Variants in TCF12 observed in about 807,000 individuals in gnomAD.
TCF12 encodes transcription factor 12, also known as DNA-binding protein HTF4.
TCF12 carries 45 observed loss-of-function variants against 86.0 expected under a neutral mutation model. The observed-to-expected ratio is 0.52, with a 90% CI of 0.41 to 0.67. The LOEUF is 0.67. TCF12 is among the 30% of genes least tolerant of loss of function. TCF12 has a pLI of 0.00. For synonymous variants in TCF12, 330 were observed against 299.6 expected, an observed-to-expected ratio of 1.10 and a Z score of -1.05; for missense variants, 881 against 859.9, an observed-to-expected ratio of 1.02 and a Z score of -0.31.
At chr15:57,250,376 A>T (rs1434185086) in intron 13 of TCF12, among the ~76,000 whole-genome samples, 1 of 152,226 alleles carries the variant, frequency 6.6e-6, no homozygotes, top group Admixed American at 6.5e-5. Context: ...ATCACTGTTC[A>T]TAATAGCCGA....
chr15:57,161,494 C>G lies in TCF12; in HGVS notation c.326-4908C>G, dbSNP rs533697945. 2.0e-5 allele frequency among the ~76,000 whole-genome samples: 3 copies of G among 152,296 alleles called. No homozygotes were observed. The East Asian group carries it at 5.8e-4, about 29-fold the overall frequency. ...AATGTAAACCATGTAAGTTTAGCTA[C>G]TTAAAATACCTTTGCACACAAGTTA... On this transcript the variant is annotated intron_variant, in intron 5 of 20. Transcript: ENST00000333725.
In TCF12 at chr15:56,988,355, T is replaced by A. The variant is rs550021106; in HGVS notation, c.148+67257T>A. On this transcript the variant is annotated intron_variant, in intron 3 of 20. Coordinates refer to ENST00000333725, the MANE Select transcript of TCF12 (RefSeq NM_207037.2). ...GCTACAAACCTGTACAGCATGTTAC[T>A]CATCTTAGTATACAGAATACTGCAG... Among the ~76,000 whole-genome samples, 5 of 152,272 alleles carry A rather than the reference T, an allele frequency of 3.3e-5. No individual in the cohort carries two copies. The South Asian group carries it at 1.0e-3, about 32-fold the overall frequency.
At chr15:56,986,254 G>A (rs1218590378) in intron 3 of TCF12, among the ~76,000 whole-genome samples, 1 of 152,066 alleles carries the variant, frequency 6.6e-6, no homozygotes, top group East Asian at 1.9e-4. Context: ...TTATATTGCT[G>A]CTTACGTTTC....
chr15:57,078,519 G>A (rs2070340359), intron 4 of TCF12, among the ~76,000 whole-genome samples: 1 of 152,058 alleles, frequency 6.6e-6, no homozygotes, highest in Non-Finnish European at 1.5e-5. Context: ...GAAGGCAAAG[G>A]CTTTTATTTA....
intron 3 of TCF12, among the ~76,000 whole-genome samples, chr15:57,028,053 T>A (rs1157344760): frequency 6.6e-6 from 1 of 152,102 alleles, no homozygotes; most frequent in African/African-American, 2.4e-5. Context: ...AACCTCTGTC[T>A]CCTGGGTTCA....
intron 3 of TCF12, among the ~76,000 whole-genome samples, chr15:57,032,135 C>T (rs900114814): frequency 2.6e-5 from 4 of 152,056 alleles, no homozygotes; most frequent in African/African-American, 4.8e-5. Flanking sequence ...CTCGTGAAGT[C>T]GTATACAGAC....
chr15:57,203,076 A>G (rs1253610120), intron 8 of TCF12, among the ~76,000 whole-genome samples: 1 of 152,254 alleles, frequency 6.6e-6, no homozygotes, highest in Non-Finnish European at 1.5e-5. Flanking sequence ...CTGTGTATAT[A>G]ATGTATGTGC....
At chr15:57,205,882 G>C (rs1385860077) in intron 8 of TCF12, among the ~76,000 whole-genome samples, 1 of 152,212 alleles carries the variant, frequency 6.6e-6, no homozygotes, top group Non-Finnish European at 1.5e-5. Flanking sequence ...AAAGTAACCA[G>C]TGAGTGAGTC....
At chr15:57,206,950 GA>G (rs796518373) in intron 8 of TCF12, among the ~76,000 whole-genome samples, 82 of 148,240 alleles carry the variant, frequency 5.5e-4, no homozygotes, top group Non-Finnish European at 7.2e-4. Context: ...AAAAGAAAAG[GA>G]AAAAAAAAAT....
intron 7 of TCF12, among the ~76,000 whole-genome samples, chr15:57,195,290 G>A (rs1269954848): frequency 6.6e-6 from 1 of 152,196 alleles, no homozygotes; most frequent in Non-Finnish European, 1.5e-5. Flanking sequence ...TTTTGTATTT[G>A]ATTGTATAGT....
intron 3 of TCF12, among the ~76,000 whole-genome samples, chr15:56,941,897 A>C (rs2060797098): frequency 6.6e-6 from 1 of 152,006 alleles, no homozygotes; most frequent in Non-Finnish European, 1.5e-5. Flanking sequence ...AACATTCTTC[A>C]TTGTAAGCTT....
intron 4 of TCF12, 55 bp from the exon 5 acceptor site, chr15:57,091,734 A>T (rs1053061927): frequency 2.2e-6 from 3 of 1,338,048 alleles, no homozygotes; most frequent in Non-Finnish European, 2.1e-6. Flanking sequence ...ATTATGCTCA[A>T]TTAGCGGGAC....
chr15:56,943,673 C>G (rs1477350515), intron 3 of TCF12, among the ~76,000 whole-genome samples: 1 of 152,144 alleles, frequency 6.6e-6, no homozygotes, highest in Non-Finnish European at 1.5e-5. Context: ...ATAGCTAGTT[C>G]AAATTGTTTA....
Position 57,042,142 on chromosome 15 carries a change from GGA to G in TCF12, c.149-21606_149-21605del, listed in dbSNP as rs1292695858. Among the ~76,000 whole-genome samples, 389 of 151,880 alleles carry G rather than the reference GGA, an allele frequency of 2.6e-3. 2 individuals carry two copies. The highest frequency in any genetic ancestry group is 9.1e-3 in the African/African-American group (375 of 41,384). On this transcript the variant is annotated intron_variant, in intron 3 of 20. Transcript: ENST00000333725. ...CAATTTTTATTGTTTTTTTTGAGAT[GGA>G]GTTTTGCCTTGTTGCCCAGGCTGGA...
chr15:56,922,600 C>G (rs976896389), intron 3 of TCF12, among the ~76,000 whole-genome samples: 4 of 151,856 alleles, frequency 2.6e-5, no homozygotes, highest in Non-Finnish European at 4.4e-5. Context: ...CGAATGGTCA[C>G]CATATTTGAT....
intron 3 of TCF12, among the ~76,000 whole-genome samples, chr15:57,002,123 T>TA (rs1227760446): frequency 6.6e-6 from 1 of 152,230 alleles, no homozygotes; most frequent in African/African-American, 2.4e-5. Flanking sequence ...AGTGGTGACC[T>TA]ATGCTTAGTA....
chr15:57,166,432 T>A lies in TCF12; in HGVS notation c.356T>A (p.Leu119Gln). 1 of 1,612,594 alleles carries A rather than the reference T, an allele frequency of 6.2e-7. No individual in the cohort carries two copies. Among genetic ancestry groups the A allele is most frequent in the Non-Finnish European group, 8.5e-7 (1 of 1,179,482 alleles). Reference sequence around the variant, plus strand: ...ACATCAGAGAGAGGCTCATTTTCCCTGTACAGCAGAGATACTGGATTACCA... The same window carrying A: ...ACATCAGAGAGAGGCTCATTTTCCCAGTACAGCAGAGATACTGGATTACCA... ...GKTSERGSFS[L>Q]YSRDTGLPGC... is the part of the protein sequence containing the mutation. Residue 119 changes from leucine to glutamine, a missense_variant, in exon 6 of 21, where the codon CTG becomes CAG. Coordinates refer to ENST00000333725, the MANE Select transcript of TCF12 (RefSeq NM_207037.2).
intron 3 of TCF12, among the ~76,000 whole-genome samples, chr15:57,055,246 A>C (rs2067922707): frequency 6.6e-6 from 1 of 152,050 alleles, no homozygotes; most frequent in Admixed American, 6.5e-5. Flanking sequence ...TACTGAAAAC[A>C]CAAAAATTAG....
chr15:57,249,795 CA>C (rs1422674933), intron 13 of TCF12, among the ~76,000 whole-genome samples: 1 of 152,122 alleles, frequency 6.6e-6, no homozygotes, highest in Non-Finnish European at 1.5e-5. Flanking sequence ...TTCAAATTGT[CA>C]CTGAAGCTTT....
Sources: allele counts gnomAD v4.1 joint callset (sites outside exome capture counted in the v4.1 genomes callset), GRCh38; gene constraint gnomAD v4.1.1; transcripts MANE v1.5; gene names NCBI Gene and HGNC (gene_info 2026-07-23, HGNC 2026-07-21).